The following CFAP43 variants were observed in gnomAD, a reference collection of about 807,000 sequenced individuals.
The protein encoded by CFAP43 is cilia- and flagella-associated protein 43.
A neutral mutation model predicts 218.9 loss-of-function variants in CFAP43; 155 were observed. The ratio of observed to expected loss-of-function variants is 0.71; its 90% CI spans 0.62 to 0.81. The LOEUF is 0.81. CFAP43 is among the 30% of genes least tolerant of loss of function. The probability of loss-of-function intolerance (pLI) is 0.00; values close to 1 mark genes in which losing one functional copy is unlikely to be tolerated. For missense variants in CFAP43, 1,778 were observed against 1,954.3 expected, an observed-to-expected ratio of 0.91 and a Z score of 1.70; for synonymous variants, 645 against 681.3, an observed-to-expected ratio of 0.95 and a Z score of 0.83.
At chr10:104,156,948 A>G (rs1443798132) in intron 27 of CFAP43, among the ~76,000 whole-genome samples, 1 of 152,218 alleles carries the variant, frequency 6.6e-6, no homozygotes, top group African/African-American at 2.4e-5. Flanking sequence ...TAAGGGGCAC[A>G]TGATCCATTC....
chr10:104,146,476 C>A, intron 29 of CFAP43, 127 bp from the exon 30 acceptor site: 1 of 672,720 alleles, frequency 1.5e-6, no homozygotes, highest in Non-Finnish European at 2.6e-6. Context: ...AGTATTTATT[C>A]ATGAAGATAA....
chr10:104,157,477 G>A (rs1248052280), intron 27 of CFAP43, among the ~76,000 whole-genome samples: 1 of 152,126 alleles, frequency 6.6e-6, no homozygotes, highest in Non-Finnish European at 1.5e-5. Context: ...TTACCAAAGG[G>A]GCTCAGCGTC....
In CFAP43 at chr10:104,193,772, G is replaced by A. The variant is rs1589750873; in HGVS notation, c.1442+94C>T. 9.0e-6 allele frequency: 13 copies of A among 1,448,058 alleles called. No homozygotes were observed. The East Asian group carries it at 1.2e-4, about 14-fold the overall frequency. The allele number at this position is 1,448,058 out of a possible 1,614,324, so 89.7% of individuals were successfully genotyped here. A position where few individuals can be genotyped will look rare whatever the true frequency, so the allele number is the denominator to read the frequency against. ...TTAACATTCAAAACAAATGAAACAC[G>A]TAAAACTTAAAATTAAAAGAAAGGA... is the stretch of plus-strand genomic sequence containing the variant. On this transcript the variant is annotated intron_variant, in intron 11 of 37. Transcript: ENST00000357060.
intron 8 of CFAP43, among the ~76,000 whole-genome samples, chr10:104,202,098 G>A (rs2090551460): frequency 6.6e-6 from 1 of 152,116 alleles, no homozygotes; most frequent in South Asian, 2.1e-4. Flanking sequence ...TAAACAATAC[G>A]TTAGTGGGTG....
At chr10:104,229,018 C>A (rs147344428) in intron 2 of CFAP43, among the ~76,000 whole-genome samples, 1 of 152,108 alleles carries the variant, frequency 6.6e-6, no homozygotes, top group Non-Finnish European at 1.5e-5. Flanking sequence ...TTTGAACTAA[C>A]TTTCAATTGG....
intron 16 of CFAP43, among the ~76,000 whole-genome samples, chr10:104,183,858 T>C (rs1397826813): frequency 2.6e-5 from 4 of 152,340 alleles, no homozygotes; most frequent in South Asian, 2.1e-4. Context: ...AGGACTTACA[T>C]AGTGAGATAA....
chr10:104,231,668 C>T (rs1235206411), intron 1 of CFAP43, among the ~76,000 whole-genome samples: 3 of 152,162 alleles, frequency 2.0e-5, no homozygotes, highest in East Asian at 1.9e-4. Flanking sequence ...GGAAAAAATG[C>T]CACCTATATC....
At chr10:104,182,198 C>G (rs970287744) in intron 17 of CFAP43, among the ~76,000 whole-genome samples, 168 bp downstream of exon 17, 1 of 152,108 alleles carries the variant, frequency 6.6e-6, no homozygotes, top group Non-Finnish European at 1.5e-5. Flanking sequence ...TTGAGAAAGG[C>G]TGAATATTTT....
intron 4 of CFAP43, among the ~76,000 whole-genome samples, chr10:104,212,885 T>C (rs1380424704): frequency 6.6e-6 from 1 of 152,208 alleles, no homozygotes; most frequent in Non-Finnish European, 1.5e-5. Flanking sequence ...ACTACTCAAA[T>C]GTAAGGCTGA....
Position 104,141,017 on chromosome 10 carries a change from C to G in CFAP43, c.4272-16G>C, listed in dbSNP as rs1228340129. 6.3e-7 allele frequency: 1 copy of G among 1,599,414 alleles called. No individual in the cohort carries two copies. Among genetic ancestry groups the G allele is most frequent in the East Asian group, 2.2e-5 (1 of 44,706 alleles). On this transcript the variant is annotated splice_polypyrimidine_tract_variant and intron_variant, in intron 33 of 37. Transcript: ENST00000357060. ...TTCCTGTAATCTGAATTGAAAAGTA[C>G]TTCAAAGCAAGTAGTTGTAATATAT...
At chr10:104,218,119 C>T (rs1230906212) in intron 3 of CFAP43, among the ~76,000 whole-genome samples, 3 of 151,928 alleles carry the variant, frequency 2.0e-5, no homozygotes, top group East Asian at 1.9e-4. Context: ...GAGGCTGAGG[C>T]GGGCGGCTCA....
intron 20 of CFAP43, among the ~76,000 whole-genome samples, chr10:104,171,052 T>C (rs895171614): frequency 6.6e-6 from 1 of 152,216 alleles, no homozygotes; most frequent in Admixed American, 6.5e-5. Context: ...AGTTCTCAAC[T>C]GAAATGTCAG....
chr10:104,187,778 TAAA>T (rs1419719844), intron 13 of CFAP43, among the ~76,000 whole-genome samples: 1 of 152,210 alleles, frequency 6.6e-6, no homozygotes, highest in African/African-American at 2.4e-5. Flanking sequence ...GAGATTCTTA[TAAA>T]AACATAAAAG....
intron 2 of CFAP43, among the ~76,000 whole-genome samples, chr10:104,226,310 TCA>T (rs1352609577): frequency 1.1e-4 from 16 of 152,326 alleles, no homozygotes; most frequent in Middle Eastern, 3.4e-3. Flanking sequence ...GCTTTTTTTC[TCA>T]TTCTCATTTT....
chr10:104,146,622 G>T (rs187204881), intron 29 of CFAP43, among the ~76,000 whole-genome samples: 96 of 152,266 alleles, frequency 6.3e-4, no homozygotes, highest in African/African-American at 2.1e-3. Flanking sequence ...TCAGTGTGGA[G>T]GATGAAAGTG....
At chr10:104,224,267 T>C (rs1286285715) in intron 3 of CFAP43, among the ~76,000 whole-genome samples, 2 of 151,648 alleles carry the variant, frequency 1.3e-5, no homozygotes, top group Non-Finnish European at 2.9e-5. Context: ...ATGGTCTCGA[T>C]CTCCTGACCT....
rs758185012 is a variant in CFAP43 at position 104,212,092 on chromosome 10, G to C, written c.650C>G (p.Ser217Trp). The change falls in exon 5 of 38, where the codon TCG (serine) becomes TGG (tryptophan). Residue 217 changes from serine to tryptophan, a missense_variant. By Grantham distance (177) the Ser-to-Trp change is radical. This residue lies in a region of CFAP43 where 1,553 missense variants were observed against 1,685.2 expected (regional missense o/e 0.92). Transcript: ENST00000357060. Reference sequence around the variant, plus strand: ...ACCATAGATGAGATCTTTCGGCAACGACTGGGGGAAAACGACATCCGTTTC... The same window carrying C: ...ACCATAGATGAGATCTTTCGGCAACCACTGGGGGAAAACGACATCCGTTTC... Reference protein sequence around the residue: ...FNETDVVFPQSLPKDLIYGPV... With the variant: ...FNETDVVFPQWLPKDLIYGPV... The C allele has an allele frequency of 6.2e-7, 1 of 1,613,918 alleles. No homozygotes were observed. Among genetic ancestry groups the C allele is most frequent in the Non-Finnish European group, 8.5e-7 (1 of 1,179,950 alleles).
intron 4 of CFAP43, among the ~76,000 whole-genome samples, chr10:104,213,791 T>A (rs1432169385): frequency 5.3e-5 from 8 of 152,312 alleles, no homozygotes; most frequent in African/African-American, 1.9e-4. Context: ...TGCCTCGGCC[T>A]CCCAGATTGC....
Position 104,143,564 on chromosome 10 carries a change from C to T in CFAP43, c.4020G>A (p.Leu1340=). ...PFGELPGSGK[L]NKDAFAQLMK... ...TTAACTGGGCAAAGGCATCCTTATT[C>T]AACTTGCCAGATCCTGGTAGTTCTC... The change falls in exon 32 of 38, where the codon TTG becomes TTA. Residue 1340 remains leucine, a synonymous_variant. Transcript: ENST00000357060. 1 of 1,614,204 alleles carries T rather than the reference C, an allele frequency of 6.2e-7. No individual in the cohort carries two copies. Among genetic ancestry groups the T allele is most frequent in the Non-Finnish European group, 8.5e-7 (1 of 1,180,030 alleles).
Sources: gnomAD v4.1 joint callset for allele counts (sites outside exome capture counted in the v4.1 genomes callset) on GRCh38, gnomAD v4.1.1 for gene constraint, gnomAD v4.1.1 regional missense constraint, MANE v1.5 for transcripts, NCBI Gene and HGNC (gene_info 2026-07-23, HGNC 2026-07-21) for gene names.